The following TENM3 variants were observed in gnomAD, a reference collection of about 807,000 sequenced individuals.
TENM3 encodes the protein teneurin-3.
In TENM3, 63 loss-of-function variants were observed where a neutral mutation model predicts 255.1. That is an observed-to-expected ratio of 0.25 (90% confidence interval 0.20 to 0.30). The LOEUF (loss-of-function observed/expected upper bound fraction) is 0.30. Among genes scored for constraint, TENM3 ranks in the 10% least tolerant of loss-of-function variants. TENM3 has a pLI of 1.00. For synonymous variants in TENM3, 1,306 were observed against 1,322.3 expected, an observed-to-expected ratio of 0.99 and a Z score of 0.27; for missense variants, 2,929 against 3,461.1, an observed-to-expected ratio of 0.85 and a Z score of 3.86.
intron 12 of TENM3, among the ~76,000 whole-genome samples, chr4:182,701,101 A>ACC (rs1292820685): frequency 1.3e-5 from 2 of 152,032 alleles, no homozygotes; most frequent in Non-Finnish European, 2.9e-5. Context: ...CATGTGGTTA[A>ACC]ACATAAGCAA....
At chr4:182,707,974 G>A (rs956794956) in intron 12 of TENM3, 2 of 150,264 alleles carry the variant, frequency 1.3e-5, no homozygotes, top group African/African-American at 4.9e-5. Flanking sequence ...TTTTTCTACT[G>A]GGGGGAAAAA....
intron 20 of TENM3, among the ~76,000 whole-genome samples, chr4:182,752,875 A>T (rs549318934): frequency 5.6e-4 from 85 of 152,208 alleles, no homozygotes; most frequent in Non-Finnish European, 1.0e-3. Context: ...TGAAACATTC[A>T]GGTATTACCT....
At chr4:182,059,277 CT>C in the TENM3 span, among the ~76,000 whole-genome samples, 5 of 152,036 alleles carry the variant, frequency 3.3e-5, no homozygotes, top group African/African-American at 1.2e-4. Context: ...TGCTGGTTTC[CT>C]TAAGCTTTGT....
intron 1 of TENM3, among the ~76,000 whole-genome samples, chr4:182,173,610 C>T (rs574334806): frequency 1.4e-4 from 22 of 152,150 alleles, no homozygotes; most frequent in African/African-American, 5.1e-4. Flanking sequence ...ATAGGAAGAC[C>T]GACAGCCTAT....
At chr4:182,675,009 T>G (rs1435145138) in intron 7 of TENM3, among the ~76,000 whole-genome samples, 1 of 152,124 alleles carries the variant, frequency 6.6e-6, no homozygotes, top group Non-Finnish European at 1.5e-5. Context: ...CCTGAGTAGC[T>G]GGGATTACAG....
the TENM3 span, chr4:181,876,917 A>G: frequency 6.6e-6 from 1 of 152,132 alleles, no homozygotes; most frequent in African/African-American, 2.4e-5. Context: ...TGTGAAGGAA[A>G]CTGGGAAAAG....
chr4:182,758,068 TA>T (rs1762862681), intron 22 of TENM3, among the ~76,000 whole-genome samples: 2 of 152,206 alleles, frequency 1.3e-5, no homozygotes, highest in Admixed American at 1.3e-4. Flanking sequence ...AGACTGCTTT[TA>T]AAAACCAGCG....
the TENM3 span, among the ~76,000 whole-genome samples, chr4:182,058,226 T>G: frequency 6.6e-6 from 1 of 151,960 alleles, no homozygotes; most frequent in Non-Finnish European, 1.5e-5. Context: ...TACATTTGAT[T>G]TTATCTCCAC....
intron 3 of TENM3, among the ~76,000 whole-genome samples, chr4:182,424,711 C>T (rs1229198764): frequency 6.6e-6 from 1 of 152,044 alleles, no homozygotes; most frequent in African/African-American, 2.4e-5. Flanking sequence ...TGTTTGCTAG[C>T]GGCAAGATAG....
At position 182,801,004 on chromosome 4, in the gene TENM3, G is replaced by A. The variant is rs1766914199; in HGVS notation, c.*653G>A. 1 of 152,658 alleles carries A rather than the reference G, an allele frequency of 6.6e-6. No homozygotes were observed. Among genetic ancestry groups the A allele is most frequent in the Non-Finnish European group, 1.5e-5 (1 of 68,048 alleles). The allele number at this position is 152,658 out of a possible 1,614,324, so 9.5% of individuals were successfully genotyped here. On this transcript the variant is annotated 3_prime_UTR_variant, in exon 28 of 28. Transcript: ENST00000511685. ...CCTGATTTTTTTGTAAATTATGTGAGACAAGTTGTTTATGGATTTTTATAT... is the reference window on the plus strand; with the variant it reads ...CCTGATTTTTTTGTAAATTATGTGAAACAAGTTGTTTATGGATTTTTATAT...
At chr4:182,733,406 C>A (rs1760924282) in intron 16 of TENM3, among the ~76,000 whole-genome samples, 1 of 151,976 alleles carries the variant, frequency 6.6e-6, no homozygotes, top group South Asian at 2.1e-4. Context: ...TAAGGAATTT[C>A]TATGCTGAGA....
chr4:181,512,034 A>C, the TENM3 span, among the ~76,000 whole-genome samples: 3 of 152,092 alleles, frequency 2.0e-5, no homozygotes, highest in Non-Finnish European at 4.4e-5. Flanking sequence ...TCCTCAGCAC[A>C]GTCCTACAAA....
chr4:182,098,955 C>CTTTTTTTTTTTTT, the TENM3 span, among the ~76,000 whole-genome samples: 1 of 133,830 alleles, frequency 7.5e-6, no homozygotes, highest in Admixed American at 7.9e-5. Flanking sequence ...GTGCACAACT[C>CTTTTTTTTTTTTT]TTTTTTTCTT....
At position 182,335,450 on chromosome 4, in the gene TENM3, G is replaced by C. The variant is rs551158658; in HGVS notation, c.232+11198G>C. On this transcript the variant is annotated intron_variant, in intron 2 of 27. Transcript: ENST00000511685. ...GCGGAGCTTGCAGTGAGCCGAGATC[G>C]CGCCACCGCACTCCAGCCTGGGCGA... Among the ~76,000 whole-genome samples the C allele has an allele frequency of 1.5e-4, 18 of 122,986 alleles. 1 individual carries two copies. The highest frequency in any genetic ancestry group is 3.0e-4 in the Non-Finnish European group (18 of 60,204). 80.7% of individuals were successfully genotyped at this position (122,986 alleles called of 152,430 possible).
Position 182,432,849 on chromosome 4 carries a change from G to GGTGT in TENM3, c.511+85933_511+85936dup, listed in dbSNP as rs70956512. On this transcript the variant is annotated intron_variant, in intron 3 of 27. Coordinates refer to ENST00000511685, the MANE Select transcript of TENM3 (RefSeq NM_001080477.4). The stretch of plus-strand genomic sequence containing the variant: ...AATTTTTCATCAGGGAATGGATTTG[G>GGTGT]GTGTGTGTGTGTGTGTTTTAGTAGA... Among the ~76,000 whole-genome samples, 4 of 142,976 alleles carry GGTGT rather than the reference G, an allele frequency of 2.8e-5. 1 individual carries two copies. Among genetic ancestry groups the GGTGT allele is most frequent in the African/African-American group, 1.0e-4 (4 of 38,792 alleles). The allele number at this position is 142,976 out of a possible 152,430, so 93.8% of individuals were successfully genotyped here. A position where few individuals can be genotyped will look rare whatever the true frequency, so the allele number is the denominator to read the frequency against.
At chr4:182,029,706 A>G in the TENM3 span, among the ~76,000 whole-genome samples, 2 of 152,166 alleles carry the variant, frequency 1.3e-5, no homozygotes, top group African/African-American at 2.4e-5. Flanking sequence ...TAACTAGGAG[A>G]TAGATGCACA....
chr4:182,654,457 A>G (rs1753585270), intron 6 of TENM3, among the ~76,000 whole-genome samples: 1 of 152,200 alleles, frequency 6.6e-6, no homozygotes, highest in South Asian at 2.1e-4. Flanking sequence ...TTTTCAATAT[A>G]AACACTTAGA....
chr4:182,706,924 A>G (rs1464988741), intron 12 of TENM3, among the ~76,000 whole-genome samples: 1 of 150,358 alleles, frequency 6.7e-6, no homozygotes, highest in South Asian at 2.1e-4. Flanking sequence ...GCACCAGCGC[A>G]CTCCAGCCTG....
At chr4:182,542,398 A>G (rs1390540325) in intron 3 of TENM3, among the ~76,000 whole-genome samples, 1 of 152,094 alleles carries the variant, frequency 6.6e-6, no homozygotes, top group East Asian at 1.9e-4. Context: ...AGGTTTTCAG[A>G]CACAGGTAAT....
Sources: gnomAD v4.1 joint callset for allele counts (sites outside exome capture counted in the v4.1 genomes callset) on GRCh38, gnomAD v4.1.1 for gene constraint, MANE v1.5 for transcripts, NCBI Gene and HGNC (gene_info 2026-07-23, HGNC 2026-07-21) for gene names.